The following SLC12A1 variants were observed in gnomAD, a reference collection of about 807,000 sequenced individuals.
The protein encoded by SLC12A1 is Na-K-2Cl cotransporter.
Under a neutral mutation model 130.4 loss-of-function variants are expected in SLC12A1, and 89 were observed. The observed-to-expected ratio is 0.68, with a 90% CI of 0.58 to 0.81. The LOEUF (loss-of-function observed/expected upper bound fraction) is 0.81, where lower values mean the gene tolerates loss of function less well. Among genes scored for constraint, SLC12A1 ranks in the 40% least tolerant of loss-of-function variants. SLC12A1 has a pLI of 0.00. For missense variants in SLC12A1, 1,310 were observed against 1,336.4 expected, an observed-to-expected ratio of 0.98 and a Z score of 0.31; for synonymous variants, 499 against 460.0, an observed-to-expected ratio of 1.08 and a Z score of -1.09.
chr15:48,243,211 A>C (rs1311147914), intron 10 of SLC12A1, among the ~76,000 whole-genome samples: 1 of 152,156 alleles, frequency 6.6e-6, no homozygotes, highest in East Asian at 1.9e-4. Context: ...ATAAATGAAC[A>C]ATGCAAACAG....
intron 21 of SLC12A1, among the ~76,000 whole-genome samples, chr15:48,287,363 G>GT (rs11318362): frequency 1.7e-3 from 242 of 145,888 alleles, no homozygotes; most frequent in Middle Eastern, 3.6e-3. Context: ...ATTTTCTAAG[G>GT]TTTTTTTTTT....
Position 48,246,918 on chromosome 15 carries a change from A to G in SLC12A1, c.1462A>G (p.Met488Val). 1 of 1,613,014 alleles carries G rather than the reference A, an allele frequency of 6.2e-7. No homozygotes were observed. Among genetic ancestry groups the G allele is most frequent in the East Asian group, 2.2e-5 (1 of 44,882 alleles). ...TACCTCTCTTCTCAAGGTCATGAGC[A>G]TGGTATCAGGGTTCGGCCCCCTCAT... ...GLMNNFQVMS[M>V]VSGFGPLITA... is the part of the protein sequence containing the mutation. The change falls in exon 12 of 27, where the codon ATG becomes GTG. Residue 488 changes from methionine (M) to valine (V), a missense_variant. Transcript: ENST00000380993.
intron 20 of SLC12A1, among the ~76,000 whole-genome samples, chr15:48,279,475 A>G (rs914515553): frequency 2.6e-5 from 4 of 152,216 alleles, no homozygotes; most frequent in African/African-American, 9.7e-5. Context: ...AATTATTTTT[A>G]TATTGTATCA....
chr15:48,278,406 T>C (rs2041977262), intron 20 of SLC12A1, among the ~76,000 whole-genome samples: 1 of 152,214 alleles, frequency 6.6e-6, no homozygotes, highest in African/African-American at 2.4e-5. Context: ...ACAAGGCTAG[T>C]CATTGGTACA....
intron 9 of SLC12A1, chr15:48,237,258 C>T (rs1315228112): frequency 6.0e-6 from 3 of 503,996 alleles, no homozygotes; most frequent in Non-Finnish European, 1.1e-5. Context: ...TAAGAAGGCA[C>T]CAAGAAAGAT....
chr15:48,270,878 T>C (rs1370907303), intron 19 of SLC12A1, among the ~76,000 whole-genome samples: 1 of 143,874 alleles, frequency 7.0e-6, no homozygotes, highest in Non-Finnish European at 1.5e-5. Flanking sequence ...GGTTTCTTCC[T>C]TTGAATAAGA....
chr15:48,288,092 G>C lies in SLC12A1; in HGVS notation c.2679G>C (p.Gln893His), dbSNP rs751487071. ...SQSMHVGEFN[Q>H]KLVEASTQFK... The stretch of plus-strand genomic sequence containing the variant: ...CGATGCATGTGGGAGAGTTCAACCA[G>C]AAACTGGTGGAAGCCAGCACTCAAT... The change falls in exon 22 of 27, where the codon CAG becomes CAC. Residue 893 changes from glutamine to histidine, a missense_variant. Coordinates refer to ENST00000380993, the MANE Select transcript of SLC12A1 (RefSeq NM_000338.3). The C allele has an allele frequency of 6.2e-7, 1 of 1,610,964 alleles. No homozygotes were observed. Among genetic ancestry groups the C allele is most frequent in the Non-Finnish European group, 8.5e-7 (1 of 1,178,554 alleles).
rs774539035 is a variant in SLC12A1 at position 48,299,222 on chromosome 15, A to G, written c.3043A>G (p.Arg1015Gly). The G allele has an allele frequency of 6.2e-6, 10 of 1,609,668 alleles. No individual in the cohort carries two copies. The highest frequency in any genetic ancestry group is 8.5e-6 in the Non-Finnish European group (10 of 1,178,698). ...TTTAACAACTGCTGAGAAATTAAAAAGAGAAACTCCGTGGAAAATTACAGA... is the reference window on the plus strand; with the variant it reads ...TTTAACAACTGCTGAGAAATTAAAAGGAGAAACTCCGTGGAAAATTACAGA... ...KDLTTAEKLK[R>G]ETPWKITDAE... is the part of the protein sequence containing the mutation. Residue 1015 changes from arginine (R) to glycine (G), a missense_variant, in exon 25 of 27, where the codon AGA becomes GGA. Coordinates refer to ENST00000380993, the MANE Select transcript of SLC12A1 (RefSeq NM_000338.3).
At chr15:48,275,906 T>A (rs1436425788) in intron 20 of SLC12A1, among the ~76,000 whole-genome samples, 1 of 152,144 alleles carries the variant, frequency 6.6e-6, no homozygotes, top group Non-Finnish European at 1.5e-5. Context: ...GTTTTAGATA[T>A]CATGCTCTTT....
chr15:48,300,972 G>C (rs2042225915), intron 25 of SLC12A1, among the ~76,000 whole-genome samples: 1 of 152,188 alleles, frequency 6.6e-6, no homozygotes. Flanking sequence ...ATGCCACTGT[G>C]CCCATGGCAG....
intron 2 of SLC12A1, among the ~76,000 whole-genome samples, chr15:48,209,577 T>C (rs1047386305): frequency 2.0e-5 from 3 of 152,214 alleles, no homozygotes; most frequent in Non-Finnish European, 4.4e-5. Flanking sequence ...ATTCAAACAG[T>C]TCCTTTTGTA....
chr15:48,225,185 TATC>T (rs1408281956), intron 4 of SLC12A1: 2 of 152,210 alleles, frequency 1.3e-5, no homozygotes, highest in Non-Finnish European at 2.9e-5. Flanking sequence ...TGAGGTGACT[TATC>T]ATAATAAGCA....
intron 24 of SLC12A1, among the ~76,000 whole-genome samples, chr15:48,293,290 C>T (rs533562322): frequency 6.6e-6 from 1 of 152,248 alleles, no homozygotes; most frequent in African/African-American, 2.4e-5. Flanking sequence ...AAAACCATGG[C>T]CAATTATAAA....
At chr15:48,301,289 TCAA>T in intron 25 of SLC12A1, 23 bp from the exon 26 acceptor site, 2 of 1,542,610 alleles carry the variant, frequency 1.3e-6, no homozygotes, top group Non-Finnish European at 1.8e-6. Context: ...AGAACTGTAC[TCAA>T]CAAATCTGAA....
intron 9 of SLC12A1, among the ~76,000 whole-genome samples, chr15:48,238,513 G>A (rs2041465146): frequency 6.6e-6 from 1 of 152,154 alleles, no homozygotes. Flanking sequence ...GAAATCAAAA[G>A]ACAGTGGGGC....
At chr15:48,230,282 T>C in intron 6 of SLC12A1, 111 bp from the exon 7 acceptor site, 1 of 660,156 alleles carries the variant, frequency 1.5e-6, no homozygotes, top group South Asian at 2.0e-5. Context: ...TCTATTATCC[T>C]ATATGGCCCC....
chr15:48,225,018 T>C (rs1289781923), intron 4 of SLC12A1: 1 of 152,216 alleles, frequency 6.6e-6, no homozygotes, highest in South Asian at 2.1e-4. Context: ...GGATATATAG[T>C]AGGTTTTTAA....
intron 14 of SLC12A1, among the ~76,000 whole-genome samples, chr15:48,250,766 C>G (rs1235099328): frequency 6.6e-6 from 1 of 151,658 alleles, no homozygotes; most frequent in Non-Finnish European, 1.5e-5. Flanking sequence ...TCTTGAAGTG[C>G]TATGTCCATC....
chr15:48,280,337 G>T (rs2041998257), intron 20 of SLC12A1, among the ~76,000 whole-genome samples: 1 of 152,086 alleles, frequency 6.6e-6, no homozygotes, highest in Non-Finnish European at 1.5e-5. Context: ...ATGACAGTAT[G>T]GCTCAAGAGT....
Sources: gnomAD v4.1 joint callset for allele counts (sites outside exome capture counted in the v4.1 genomes callset) on GRCh38, gnomAD v4.1.1 for gene constraint, MANE v1.5 for transcripts, NCBI Gene and HGNC (gene_info 2026-07-23, HGNC 2026-07-21) for gene names.